RPAP3: variants seen among roughly 807,000 people sequenced by gnomAD.
RPAP3 encodes RNA polymerase II associated protein 3, also known as RNA polymerase II-associated protein 3.
A neutral mutation model predicts 88.8 loss-of-function variants in RPAP3; 58 were observed. That is an observed-to-expected ratio of 0.65 (90% CI 0.53 to 0.81). The LOEUF is 0.81. RPAP3 is among the 40% of genes least tolerant of loss of function. RPAP3 has a pLI of 0.00. For synonymous variants in RPAP3, 255 were observed against 259.9 expected (o/e 0.98, Z 0.18); for missense variants, 751 against 764.3 (o/e 0.98, Z 0.20).
chr12:47,687,731 C>A (rs1939352391), intron 8 of RPAP3, 145 bp downstream of exon 8: 5 of 831,576 alleles, frequency 6.0e-6, no homozygotes, highest in Non-Finnish European at 8.8e-6. Flanking sequence ...ATTAGTAGGT[C>A]CCAGAGGCTT....
At chr12:47,697,565 A>C in intron 4 of RPAP3, 32 bp downstream of exon 4, 1 of 1,573,338 alleles carries the variant, frequency 6.4e-7, no homozygotes, top group Non-Finnish European at 8.6e-7. Flanking sequence ...TCCTGCTTAC[A>C]TGAAAAAAAA....
chr12:47,704,924 G>A (rs1409781403), intron 1 of RPAP3, among the ~76,000 whole-genome samples: 1 of 151,654 alleles, frequency 6.6e-6, no homozygotes, highest in Admixed American at 6.6e-5. Flanking sequence ...GAGGTGGGAG[G>A]ATCGGGAGAT....
intron 5 of RPAP3, among the ~76,000 whole-genome samples, chr12:47,692,779 G>A (rs577810769): frequency 9.2e-5 from 14 of 152,298 alleles, no homozygotes; most frequent in South Asian, 2.1e-4. Context: ...TCGACATGCC[G>A]TCCTCACTAA....
At position 47,663,389 on chromosome 12, in the gene RPAP3, G is replaced by A. The variant is rs897101638; in HGVS notation, c.*116C>T. Reference sequence around the variant, plus strand: ...TTCACCTTATAGTTAATTAACTTATGTTCAAAGATAGTCCTTTCCTGCTAT... The same window carrying A: ...TTCACCTTATAGTTAATTAACTTATATTCAAAGATAGTCCTTTCCTGCTAT... On this transcript the variant is annotated 3_prime_UTR_variant, in exon 17 of 17. Coordinates refer to ENST00000005386, the MANE Select transcript of RPAP3 (RefSeq NM_024604.3). 6.2e-6 allele frequency: 4 copies of A among 645,258 alleles called. No homozygotes were observed. In the African/African-American group the frequency reaches 7.5e-5, roughly 12 times the overall value. 40.0% of individuals were successfully genotyped at this position (645,258 alleles called of 1,614,324 possible).
chr12:47,679,643 CAAAT>C (rs752459207), intron 11 of RPAP3, 49 bp from the exon 12 acceptor site: 17 of 1,501,584 alleles, frequency 1.1e-5, no homozygotes, highest in Non-Finnish European at 1.3e-5. Flanking sequence ...TATTATACAA[CAAAT>C]AAATATATTT....
At chr12:47,665,824 A>G (rs1938863691) in intron 16 of RPAP3, among the ~76,000 whole-genome samples, 1 of 150,922 alleles carries the variant, frequency 6.6e-6, no homozygotes, top group South Asian at 2.1e-4. Flanking sequence ...TATTTTTTGT[A>G]AAGACGGGGT....
intron 5 of RPAP3, among the ~76,000 whole-genome samples, chr12:47,695,273 A>G (rs1939501057): frequency 6.8e-6 from 1 of 147,922 alleles, no homozygotes; most frequent in African/African-American, 2.4e-5. Context: ...AAGCATCAAA[A>G]CAAGAATGAA....
chr12:47,671,287 C>G (rs1412087152), intron 12 of RPAP3, among the ~76,000 whole-genome samples: 2 of 152,052 alleles, frequency 1.3e-5, no homozygotes, highest in African/African-American at 4.8e-5. Flanking sequence ...CTAAAATTTG[C>G]AAATATTGAT....
At chr12:47,689,718 A>G (rs997682171) in intron 6 of RPAP3, among the ~76,000 whole-genome samples, 1 of 152,138 alleles carries the variant, frequency 6.6e-6, no homozygotes, top group Non-Finnish European at 1.5e-5. Context: ...CCCAGGAAGG[A>G]TACCTGCTAT....
chr12:47,677,095 A>G (rs892646296), intron 12 of RPAP3, among the ~76,000 whole-genome samples: 13 of 152,230 alleles, frequency 8.5e-5, no homozygotes, highest in African/African-American at 3.1e-4. Flanking sequence ...AATATATGCA[A>G]ATCAATAAAC....
At chr12:47,679,851 T>C in intron 10 of RPAP3, 77 bp from the exon 11 acceptor site, 1 of 1,007,626 alleles carries the variant, frequency 9.9e-7, no homozygotes. Flanking sequence ...ATTCATGATA[T>C]ATTCAGTTAG....
chr12:47,687,534 A>G (rs1256779688), intron 8 of RPAP3, among the ~76,000 whole-genome samples: 1 of 152,178 alleles, frequency 6.6e-6, no homozygotes, highest in Non-Finnish European at 1.5e-5. Context: ...TTTCAATCAG[A>G]AACAGTCCAG....
chr12:47,692,919 G>A lies in RPAP3; in HGVS notation c.546-2280C>T, dbSNP rs762715300. 3.3e-5 allele frequency among the ~76,000 whole-genome samples: 5 copies of A among 152,100 alleles called. No homozygotes were observed. In the East Asian group the frequency reaches 9.6e-4, roughly 29 times the overall value. On this transcript the variant is annotated intron_variant, in intron 5 of 16. Coordinates refer to ENST00000005386, the MANE Select transcript of RPAP3 (RefSeq NM_024604.3). ...CTTTGAGACAGAGCGTCACTCTCTCGCCCCGGCTGGAGTGCAGCGGCATGA... is the reference window on the plus strand; with the variant it reads ...CTTTGAGACAGAGCGTCACTCTCTCACCCCGGCTGGAGTGCAGCGGCATGA...
rs938937229 is a variant in RPAP3 at position 47,665,744 on chromosome 12, G to T, written c.1912+1236C>A. Among the ~76,000 whole-genome samples, 3 of 151,920 alleles carry T rather than the reference G, an allele frequency of 2.0e-5. No individual in the cohort carries two copies. In the South Asian group the frequency reaches 6.2e-4, roughly 32 times the overall value. On this transcript the variant is annotated intron_variant, in intron 16 of 16. Transcript: ENST00000005386. ...CAGCCTCAACCTTCCGTGCTGAAACGATTCTCCCACCTCAGCCCCCCTAGT... is the reference window on the plus strand; with the variant it reads ...CAGCCTCAACCTTCCGTGCTGAAACTATTCTCCCACCTCAGCCCCCCTAGT...
intron 9 of RPAP3, among the ~76,000 whole-genome samples, chr12:47,682,599 T>C (rs937817724): frequency 2.0e-5 from 3 of 151,888 alleles, no homozygotes; most frequent in African/African-American, 7.3e-5. Flanking sequence ...AAAAAAAGTA[T>C]GGCTTGTTAG....
At chr12:47,664,259 G>C (rs535568606) in intron 16 of RPAP3, among the ~76,000 whole-genome samples, 1 of 152,062 alleles carries the variant, frequency 6.6e-6, no homozygotes, top group African/African-American at 2.4e-5. Context: ...GAGTGATGGC[G>C]GGCGCCTGTA....
At chr12:47,703,085 G>A (rs1047175132) in intron 1 of RPAP3, among the ~76,000 whole-genome samples, 4 of 152,210 alleles carry the variant, frequency 2.6e-5, no homozygotes, top group Non-Finnish European at 4.4e-5. Context: ...ATTAAAGAAA[G>A]GTAATGGGGA....
rs552842749 is a variant in RPAP3 at position 47,677,085 on chromosome 12, A to G, written c.1287+2408T>C. Among the ~76,000 whole-genome samples, 65 of 152,332 alleles carry G rather than the reference A, an allele frequency of 4.3e-4. 1 individual carries two copies. Among genetic ancestry groups the G allele is most frequent in the Admixed American group, 9.2e-4 (14 of 15,298 alleles). ...CATCCCAGGGAAGAAAGGCTGCTTC[A>G]ATATATGCAAATCAATAAACGTAAT... On this transcript the variant is annotated intron_variant, in intron 12 of 16. Transcript: ENST00000005386.
chr12:47,685,144 C>T (rs1417418265), intron 9 of RPAP3, among the ~76,000 whole-genome samples: 1 of 152,088 alleles, frequency 6.6e-6, no homozygotes, highest in Non-Finnish European at 1.5e-5. Context: ...TCTGGGAGGC[C>T]GAGACGGGCA....
Sources: allele counts gnomAD v4.1 joint callset (sites outside exome capture counted in the v4.1 genomes callset), GRCh38; gene constraint gnomAD v4.1.1; transcripts MANE v1.5; gene names NCBI Gene and HGNC (gene_info 2026-07-23, HGNC 2026-07-21).